The following USP39 variants were observed in gnomAD, a reference collection of about 807,000 sequenced individuals.
The protein encoded by USP39 is ubiquitin specific peptidase 39, also known as ubiquitin carboxyl-terminal hydrolase 39.
USP39 carries 38 observed loss-of-function variants against 66.4 expected under a neutral mutation model. The ratio of observed to expected loss-of-function variants is 0.57; its 90% CI spans 0.44 to 0.75. The LOEUF (loss-of-function observed/expected upper bound fraction) is 0.75, where lower values mean the gene tolerates loss of function less well. USP39 is among the 30% of genes least tolerant of loss of function. USP39 has a pLI of 0.00. For missense variants in USP39, 608 were observed against 714.4 expected, an observed-to-expected ratio of 0.85 and a Z score of 1.70; for synonymous variants, 303 against 274.6, an observed-to-expected ratio of 1.10 and a Z score of -1.02.
At chr2:85,608,609 C>T (rs1673304331), upstream of USP39, 5 of 197,376 alleles carry the variant, frequency 2.5e-5, no homozygotes, top group South Asian at 1.5e-4. Context: ...CATATGACCT[C>T]GGTGAGAAAG....
chr2:85,611,283 C>T, upstream of USP39: 1 of 1,416,796 alleles, frequency 7.1e-7, no homozygotes, highest in Non-Finnish European at 9.2e-7. Context: ...AGTGTGATCT[C>T]TAGGTAGCAG....
At chr2:85,605,033 TAAG>T (rs1673167247) in intron 1 of USP39, among the ~76,000 whole-genome samples, 1 of 152,226 alleles carries the variant, frequency 6.6e-6, no homozygotes, top group African/African-American at 2.4e-5. Context: ...GTGTATCATG[TAAG>T]AAGTAGGACC....
At chr2:85,612,152 TGGTCG>T, upstream of USP39, 1 of 887,116 alleles carries the variant, frequency 1.1e-6, no homozygotes, top group Non-Finnish European at 1.7e-6. Context: ...TTTTCGGGTC[TGGTCG>T]GGTCGGGTGG....
intron 6 of USP39, among the ~76,000 whole-genome samples, chr2:85,635,044 A>G (rs774904162): frequency 1.5e-4 from 23 of 152,212 alleles, no homozygotes; most frequent in Non-Finnish European, 2.5e-4. Context: ...GTAGGTTATT[A>G]GTTGCCGAGT....
intron 5 of USP39, among the ~76,000 whole-genome samples, chr2:85,627,445 C>T (rs1674959296): frequency 2.6e-5 from 4 of 151,364 alleles, no homozygotes; most frequent in Non-Finnish European, 5.9e-5. Context: ...CCTACTTCAC[C>T]AAGAAAATGA....
intron 11 of USP39, 100 bp downstream of exon 11, chr2:85,645,183 T>C (rs973859191): frequency 1.1e-5 from 17 of 1,541,074 alleles, no homozygotes; most frequent in Non-Finnish European, 1.5e-5. Context: ...TTGCTTGGCC[T>C]TGGCTTTGGG....
chr2:85,615,543 C>T (rs1218342964), upstream of USP39, among the ~76,000 whole-genome samples: 1 of 152,092 alleles, frequency 6.6e-6, no homozygotes, highest in Non-Finnish European at 1.5e-5. Flanking sequence ...GCCTAGTTTT[C>T]CTGTGCAGGA....
intron 1 of USP39, among the ~76,000 whole-genome samples, chr2:85,617,897 A>G (rs1029323128): frequency 3.1e-4 from 47 of 152,156 alleles, no homozygotes; most frequent in African/African-American, 1.1e-3. Flanking sequence ...CGAGTAGGGT[A>G]AGATCTGAGA....
upstream of USP39, among the ~76,000 whole-genome samples, chr2:85,610,049 C>T (rs1168679331): frequency 7.1e-6 from 1 of 141,364 alleles, no homozygotes; most frequent in African/African-American, 2.7e-5. Flanking sequence ...GAGTCTTGCT[C>T]TGTTGCCCAG....
intron 4 of USP39, among the ~76,000 whole-genome samples, chr2:85,624,164 G>A (rs1674671750): frequency 6.6e-6 from 1 of 152,124 alleles, no homozygotes; most frequent in Non-Finnish European, 1.5e-5. Context: ...AACATACGCC[G>A]TGGCCAGAGC....
At chr2:85,647,785 T>A (rs1156766771) in intron 11 of USP39, 145 bp from the exon 12 acceptor site, 1 of 602,580 alleles carries the variant, frequency 1.7e-6, no homozygotes, top group East Asian at 2.9e-5. Flanking sequence ...CCAGAAGAAG[T>A]CATGTACCCT....
At chr2:85,638,610 C>G (rs1489884978) in intron 8 of USP39, among the ~76,000 whole-genome samples, 1 of 152,088 alleles carries the variant, frequency 6.6e-6, no homozygotes, top group Non-Finnish European at 1.5e-5. Context: ...ACTATCTCGG[C>G]TCACCGCAAC....
chr2:85,615,406 G>A (rs965706156), upstream of USP39, among the ~76,000 whole-genome samples: 1 of 152,308 alleles, frequency 6.6e-6, no homozygotes. Context: ...GTTCAAGGCA[G>A]GTCCTGAGGT....
chr2:85,612,559 T>C (rs1331452649), upstream of USP39, among the ~76,000 whole-genome samples: 1 of 152,236 alleles, frequency 6.6e-6, no homozygotes, highest in African/African-American at 2.4e-5. Context: ...CTGGCCCGGC[T>C]TGCCTCCTGC....
chr2:85,632,780 G>T (rs565896572), intron 6 of USP39, among the ~76,000 whole-genome samples: 3 of 152,132 alleles, frequency 2.0e-5, no homozygotes, highest in Non-Finnish European at 4.4e-5. Flanking sequence ...GTAATTACAG[G>T]TGTTAAGTGC....
In USP39 at chr2:85,648,935, G is replaced by GTGTAGCCAGAACC; in HGVS notation, c.*127_*128insTGTAGCCAGAACC. The GTGTAGCCAGAACC allele has an allele frequency of 1.8e-6, 2 of 1,087,972 alleles. No homozygotes were observed. Among genetic ancestry groups the GTGTAGCCAGAACC allele is most frequent in the Non-Finnish European group, 2.7e-6 (2 of 732,954 alleles). The allele number at this position is 1,087,972 out of a possible 1,614,324, so 67.4% of individuals were successfully genotyped here. A position where few individuals can be genotyped will look rare whatever the true frequency, so the allele number is the denominator to read the frequency against. On this transcript the variant is annotated 3_prime_UTR_variant, in exon 13 of 13. Coordinates refer to ENST00000323701, the MANE Select transcript of USP39 (RefSeq NM_006590.4). ...GCCAGCCCAGCTTGTATGGGTTCTG[G>GTGTAGCCAGAACC]CTACACCAGAGCACCAAGAGCCCAC...
At chr2:85,611,546 T>C, upstream of USP39, 1 of 1,550,806 alleles carries the variant, frequency 6.4e-7, no homozygotes, top group Non-Finnish European at 8.7e-7. Flanking sequence ...GAGGTGGAGG[T>C]TCCGGAAAGA....
upstream of USP39, chr2:85,609,653 G>C: frequency 1.9e-6 from 3 of 1,573,586 alleles, no homozygotes; most frequent in Non-Finnish European, 2.6e-6. Context: ...CCATAGAGAT[G>C]CTGCAGGAAA....
At chr2:85,628,702 C>T (rs2104286908) in intron 5 of USP39, among the ~76,000 whole-genome samples, 1 of 152,276 alleles carries the variant, frequency 6.6e-6, no homozygotes, top group South Asian at 2.1e-4. Flanking sequence ...AACCTTTTCT[C>T]CACAAGATAG....
Sources: gnomAD v4.1 joint callset for allele counts (sites outside exome capture counted in the v4.1 genomes callset) on GRCh38, gnomAD v4.1.1 for gene constraint, MANE v1.5 for transcripts, NCBI Gene and HGNC (gene_info 2026-07-23, HGNC 2026-07-21) for gene names.